Variants in IRF2 observed in about 807,000 individuals in gnomAD.
IRF2 encodes interferon regulatory factor 2.
Under a neutral mutation model 40.6 loss-of-function variants are expected in IRF2, and 15 were observed. The ratio of observed to expected loss-of-function variants is 0.37; its 90% CI spans 0.25 to 0.57. The LOEUF is 0.57. IRF2 is among the 20% of genes least tolerant of loss of function. The pLI is 0.77. For synonymous variants in IRF2, 151 were observed against 165.5 expected (o/e 0.91, Z 0.67); for missense variants, 317 against 455.7 (o/e 0.70, Z 2.77).
Position 184,387,973 on chromosome 4 carries a change from A to G in IRF2, c.*785T>C, listed in dbSNP as rs1431589041. On this transcript the variant is annotated 3_prime_UTR_variant, in exon 9 of 9. Transcript: ENST00000393593. The stretch of plus-strand genomic sequence containing the variant: ...AATAAAATATTCCCCTGTATAAAAA[A>G]TAAAAAAGCTTGCTCTGGTTAGAAT... The G allele has an allele frequency of 6.5e-6, 1 of 152,672 alleles. No individual in the cohort carries two copies. The highest frequency in any genetic ancestry group is 1.5e-5 in the Non-Finnish European group (1 of 68,048). The allele number at this position is 152,672 out of a possible 1,614,324, so 9.5% of individuals were successfully genotyped here.
At chr4:184,392,449 A>G (rs1736291568) in intron 7 of IRF2, among the ~76,000 whole-genome samples, 1 of 152,244 alleles carries the variant, frequency 6.6e-6, no homozygotes, top group South Asian at 2.1e-4. Flanking sequence ...GCCATGTCAG[A>G]GGCTTTGCAT....
intron 1 of IRF2, among the ~76,000 whole-genome samples, chr4:184,461,408 A>T (rs1739139813): frequency 6.6e-6 from 1 of 152,208 alleles, no homozygotes; most frequent in African/African-American, 2.4e-5. Context: ...CCCATGGAAG[A>T]ACTATAAAAG....
At chr4:184,405,255 A>C (rs1463291769) in intron 6 of IRF2, among the ~76,000 whole-genome samples, 2 of 152,186 alleles carry the variant, frequency 1.3e-5, no homozygotes, top group Non-Finnish European at 2.9e-5. Context: ...AAAACAAAAC[A>C]AAACAAAACA....
At chr4:184,438,421 C>A (rs1458869439) in intron 1 of IRF2, among the ~76,000 whole-genome samples, 2 of 152,124 alleles carry the variant, frequency 1.3e-5, no homozygotes, top group Non-Finnish European at 2.9e-5. Flanking sequence ...TGAGGGAGCA[C>A]CCCGAACAAA....
chr4:184,412,894 A>T (rs1175579572), intron 5 of IRF2, among the ~76,000 whole-genome samples: 2 of 152,158 alleles, frequency 1.3e-5, no homozygotes, highest in African/African-American at 4.8e-5. Flanking sequence ...CAAGTAAATG[A>T]CCACACATCT....
Position 184,388,058 on chromosome 4 carries a change from T to A in IRF2, c.*700A>T, listed in dbSNP as rs189890173. The A allele has an allele frequency of 6.5e-6, 1 of 152,790 alleles. No homozygotes were observed. Among genetic ancestry groups the A allele is most frequent in the Admixed American group, 6.5e-5 (1 of 15,296 alleles). The allele number at this position is 152,790 out of a possible 1,614,324, so 9.5% of individuals were successfully genotyped here. ...ATAATATTTCCATGATACTTTTTCC[T>A]TTGTACCGCGTGGCATTCAAGCATA... On this transcript the variant is annotated 3_prime_UTR_variant, in exon 9 of 9. Coordinates refer to ENST00000393593, the MANE Select transcript of IRF2 (RefSeq NM_002199.4). The surrounding 1 kb of genome is among the most constrained non-coding windows in gnomAD (Gnocchi z 4.6).
intron 2 of IRF2, among the ~76,000 whole-genome samples, chr4:184,424,363 CT>C (rs1444748359): frequency 6.6e-6 from 1 of 152,202 alleles, no homozygotes; most frequent in Admixed American, 6.5e-5. Context: ...TATTTGCCCC[CT>C]ATGACACTTA....
In IRF2 at chr4:184,418,623, A is replaced by G. The variant is rs776493551; in HGVS notation, c.273T>C (p.Ile91=). 2.5e-6 allele frequency: 4 copies of G among 1,613,990 alleles called. No individual in the cohort carries two copies. The South Asian group carries it at 4.4e-5, about 18-fold the overall frequency. ...TTATGCTTTTATCCTTGACTTCTTC[A>G]ATATCAGGCAAGGAATTCATGGCGC... ...FRCAMNSLPD[I]EEVKDKSIKK... is the part of the protein sequence containing the mutation. Residue 91 remains isoleucine (I), a synonymous_variant, in exon 4 of 9, where the codon ATT becomes ATC. Coordinates refer to ENST00000393593, the MANE Select transcript of IRF2 (RefSeq NM_002199.4).
At chr4:184,402,210 A>G (rs1018524839) in intron 6 of IRF2, among the ~76,000 whole-genome samples, 6 of 152,238 alleles carry the variant, frequency 3.9e-5, no homozygotes, top group Non-Finnish European at 5.9e-5. Flanking sequence ...GAAGGGGGCC[A>G]TACAATGGAA....
chr4:184,428,618 C>A, intron 2 of IRF2: 1 of 421,230 alleles, frequency 2.4e-6, no homozygotes, highest in South Asian at 1.8e-5. Flanking sequence ...GGCAACATGG[C>A]GAGATCCCAG....
intron 1 of IRF2, among the ~76,000 whole-genome samples, chr4:184,445,328 G>A (rs1012372168): frequency 1.3e-5 from 2 of 152,180 alleles, no homozygotes; most frequent in Admixed American, 1.3e-4. Flanking sequence ...CTGTCCTGAT[G>A]TCAGCAGGGT....
chr4:184,429,161 T>C, intron 1 of IRF2, 91 bp from the exon 2 acceptor site: 1 of 792,348 alleles, frequency 1.3e-6, no homozygotes. Flanking sequence ...ACTCTTTCCT[T>C]CTCTCCTTTC....
intron 1 of IRF2, among the ~76,000 whole-genome samples, chr4:184,434,338 C>G (rs1410496348): frequency 6.6e-6 from 1 of 152,152 alleles, no homozygotes; most frequent in Non-Finnish European, 1.5e-5. Flanking sequence ...CTTTGATCAT[C>G]TAGAAAAATG....
At chr4:184,398,885 C>A in intron 7 of IRF2, 30 bp downstream of exon 7, 1 of 1,554,292 alleles carries the variant, frequency 6.4e-7, no homozygotes. Context: ...CCGGTTCCCA[C>A]GCCTCCCGGA....
intron 1 of IRF2, among the ~76,000 whole-genome samples, chr4:184,461,114 A>G (rs1283360987): frequency 6.6e-6 from 1 of 152,200 alleles, no homozygotes; most frequent in Non-Finnish European, 1.5e-5. Context: ...TGCTGGTTAC[A>G]GTGTCTCCCC....
chr4:184,425,702 G>A (rs1295622611), intron 2 of IRF2, among the ~76,000 whole-genome samples: 1 of 152,234 alleles, frequency 6.6e-6, no homozygotes, highest in Non-Finnish European at 1.5e-5. Context: ...CAGCAGGTAA[G>A]GACTGCCTGA....
chr4:184,467,475 C>A (rs1244467566), intron 1 of IRF2, among the ~76,000 whole-genome samples: 1 of 152,198 alleles, frequency 6.6e-6, no homozygotes, highest in African/African-American at 2.4e-5. Flanking sequence ...TAATTTTTCT[C>A]ATCTTTTCCA....
intron 7 of IRF2, among the ~76,000 whole-genome samples, chr4:184,391,830 C>A (rs947225834): frequency 2.6e-5 from 4 of 152,174 alleles, no homozygotes; most frequent in African/African-American, 4.8e-5. Context: ...AGACACTGGG[C>A]AAGTTTCTCA....
chr4:184,473,627 G>C (rs1245641209), intron 1 of IRF2, among the ~76,000 whole-genome samples: 2 of 147,824 alleles, frequency 1.4e-5, no homozygotes, highest in Non-Finnish European at 3.0e-5. Flanking sequence ...CAGGCCCGGC[G>C]CCCGGCCCGG....
Sources: gnomAD v4.1 joint callset for allele counts (sites outside exome capture counted in the v4.1 genomes callset) on GRCh38, gnomAD v4.1.1 for gene constraint, Gnocchi (gnomAD v3.1) non-coding constraint, MANE v1.5 for transcripts, NCBI Gene and HGNC (gene_info 2026-07-23, HGNC 2026-07-21) for gene names.